Variants in MFAP5 observed in about 807,000 individuals in gnomAD.
MFAP5 encodes microfibril associated protein 5, also known as microfibrillar-associated protein 5.
Under a neutral mutation model 30.1 loss-of-function variants are expected in MFAP5, and 19 were observed. The observed-to-expected ratio is 0.63, with a 90% CI of 0.44 to 0.93. MFAP5 has a LOEUF of 0.93. MFAP5 is among the 40% of genes least tolerant of loss of function. The probability of loss-of-function intolerance (pLI) is 0.00; values close to 1 mark genes in which losing one functional copy is unlikely to be tolerated. For synonymous variants in MFAP5, 92 were observed against 72.9 expected (o/e 1.26, Z -1.33); for missense variants, 210 against 221.3 (o/e 0.95, Z 0.32).
At chr12:8,653,278 C>T (rs1253769430) in intron 6 of MFAP5, among the ~76,000 whole-genome samples, 1 of 152,002 alleles carries the variant, frequency 6.6e-6, no homozygotes, top group African/African-American at 2.4e-5. Flanking sequence ...TTTAATTCTC[C>T]CTATCTCTAC....
chr12:8,661,458 G>C (rs772959862), intron 2 of MFAP5, among the ~76,000 whole-genome samples: 1 of 152,130 alleles, frequency 6.6e-6, no homozygotes, highest in African/African-American at 2.4e-5. Flanking sequence ...ATGCATGTGA[G>C]TATACCTGCA....
At chr12:8,649,827 G>A (rs1169905068) in intron 8 of MFAP5, among the ~76,000 whole-genome samples, 1 of 152,064 alleles carries the variant, frequency 6.6e-6, no homozygotes, top group African/African-American at 2.4e-5. Context: ...GTGGTTTTTG[G>A]TTACATGGAT....
At chr12:8,653,735 GTTTA>G (rs931089119) in intron 6 of MFAP5, among the ~76,000 whole-genome samples, 3 of 152,052 alleles carry the variant, frequency 2.0e-5, no homozygotes, top group Non-Finnish European at 4.4e-5. Context: ...AAAGTTATCT[GTTTA>G]TTTGTCTATC....
chr12:8,648,441 A>G, intron 9 of MFAP5: 1 of 1,037,424 alleles, frequency 9.6e-7, no homozygotes, highest in Admixed American at 2.9e-5. Flanking sequence ...ACCTACCTCA[A>G]CAGTATATTT....
rs1218519557 is a variant in MFAP5, at chr12:8,657,948, G to T, written c.95-2118C>A. Among the ~76,000 whole-genome samples the T allele has an allele frequency of 2.6e-5, 4 of 152,138 alleles. No homozygotes were observed. In the South Asian group the frequency reaches 8.3e-4, roughly 32 times the overall value. ...TGATGGGAACAAATATTTTTATAAA[G>T]CATATCAGAGTTATGGATAATTATA... On this transcript the variant is annotated intron_variant, in intron 3 of 9. Coordinates refer to ENST00000359478, the MANE Select transcript of MFAP5 (RefSeq NM_003480.4).
intron 1 of MFAP5, 166 bp downstream of exon 1, chr12:8,662,461 C>G (rs922547719): frequency 8.6e-6 from 2 of 232,708 alleles, no homozygotes; most frequent in African/African-American, 4.7e-5. Context: ...ATATCATCTG[C>G]TCATCTTGGC....
At chr12:8,658,327 G>A (rs1039786644) in intron 3 of MFAP5, among the ~76,000 whole-genome samples, 2 of 151,950 alleles carry the variant, frequency 1.3e-5, no homozygotes, top group Non-Finnish European at 2.9e-5. Flanking sequence ...TCCAGCCTGG[G>A]ACAGAGTGAG....
intron 3 of MFAP5, 85 bp downstream of exon 3, chr12:8,660,778 T>A: frequency 4.6e-6 from 5 of 1,094,346 alleles, no homozygotes; most frequent in Non-Finnish European, 6.7e-6. Flanking sequence ...CAGCGATAGA[T>A]AAGCAGGAAG....
At chr12:8,662,334 T>A in intron 1 of MFAP5, 1 of 530,816 alleles carries the variant, frequency 1.9e-6, no homozygotes, top group Non-Finnish European at 3.3e-6. Context: ...CTTTTATTAT[T>A]CTCTGCTACC....
Position 8,650,965 on chromosome 12 carries a change from G to A in MFAP5, c.248-376C>T, listed in dbSNP as rs182204855. Among the ~76,000 whole-genome samples, 634 of 152,164 alleles carry A rather than the reference G, an allele frequency of 4.2e-3. 6 individuals carry two copies. Among genetic ancestry groups the A allele is most frequent in the African/African-American group, 0.015 (608 of 41,506 alleles). On this transcript the variant is annotated intron_variant, in intron 7 of 9. Coordinates refer to ENST00000359478, the MANE Select transcript of MFAP5 (RefSeq NM_003480.4). Reference sequence around the variant, plus strand: ...GCAGATCACCTGAAGTCAGGAGTTCGAGACCAGCCTGGCCAACAAGGTAAA... The same window carrying A: ...GCAGATCACCTGAAGTCAGGAGTTCAAGACCAGCCTGGCCAACAAGGTAAA...
rs747222467 is a variant in MFAP5 at position 8,655,640 on chromosome 12, G to A, written c.139+146C>T. On this transcript the variant is annotated intron_variant, in intron 4 of 9. Transcript: ENST00000359478. The stretch of plus-strand genomic sequence containing the variant: ...GACTGGGCATGCGTACAGAGATGCT[G>A]GCATCTAAGGTGACAACAGAACTCT... 75 of 1,000,028 alleles carry A rather than the reference G, an allele frequency of 7.5e-5. 1 individual carries two copies. The South Asian group carries it at 1.2e-3, about 15-fold the overall frequency. The allele number at this position is 1,000,028 out of a possible 1,614,324, so 61.9% of individuals were successfully genotyped here.
intron 9 of MFAP5, 152 bp from the exon 10 acceptor site, chr12:8,648,355 T>A: frequency 1.1e-6 from 1 of 903,812 alleles, no homozygotes; most frequent in Non-Finnish European, 1.6e-6. Flanking sequence ...CTTACTTTAG[T>A]TATTTGCCAC....
Position 8,648,322 on chromosome 12 carries a change from C to T in MFAP5, c.410-119G>A, listed in dbSNP as rs978877092. The T allele has an allele frequency of 2.7e-5, 27 of 984,946 alleles. No individual in the cohort carries two copies. The Admixed American group carries it at 6.4e-4, about 23-fold the overall frequency. The allele number at this position is 984,946 out of a possible 1,614,324, so 61.0% of individuals were successfully genotyped here. A position where few individuals can be genotyped will look rare whatever the true frequency, so the allele number is the denominator to read the frequency against. The stretch of plus-strand genomic sequence containing the variant: ...GTGAAAAGGTTGGAGAGAAAAAGAT[C>T]CGGGTTTTAACCAGCTCTGCCACTT... On this transcript the variant is annotated intron_variant, in intron 9 of 9. Transcript: ENST00000359478.
At position 8,651,662 on chromosome 12, in the gene MFAP5, C is replaced by A. The variant is rs1941842476; in HGVS notation, c.247G>T (p.Glu83Ter). The change falls in exon 7 of 10, where the codon GAG becomes TAG. Residue 83 changes from glutamate (E) to a stop codon, truncating the protein, a stop_gained and splice_region_variant. Coordinates refer to ENST00000359478, the MANE Select transcript of MFAP5 (RefSeq NM_003480.4). LOFTEE classifies it high-confidence loss of function. ...GAAGGCATGCAAGCAACAATCATACCTGCAGTGGTATTTTTTTCACTGAGG... is the reference window on the plus strand; with the variant it reads ...GAAGGCATGCAAGCAACAATCATACATGCAGTGGTATTTTTTTCACTGAGG... ...ASLSEKNTTA[E>*]CWDEKFTCTR... The A allele has an allele frequency of 1.2e-6, 2 of 1,613,908 alleles. No individual in the cohort carries two copies. The highest frequency in any genetic ancestry group is 1.7e-6 in the Non-Finnish European group (2 of 1,179,854).
intron 6 of MFAP5, among the ~76,000 whole-genome samples, chr12:8,654,108 A>C (rs771640403): frequency 6.6e-6 from 1 of 150,598 alleles, no homozygotes; most frequent in African/African-American, 2.5e-5. Context: ...CCTGGACGAC[A>C]AGAGCAATAA....
chr12:8,661,987 G>C, intron 2 of MFAP5, 60 bp downstream of exon 2: 4 of 1,496,634 alleles, frequency 2.7e-6, no homozygotes, highest in Non-Finnish European at 3.7e-6. Flanking sequence ...CCCATCTCCT[G>C]CCACACACGT....
At chr12:8,656,649 C>CACACACACACACACACACATAT (rs1265607160) in intron 3 of MFAP5, among the ~76,000 whole-genome samples, 1 of 109,076 alleles carries the variant, frequency 9.2e-6, no homozygotes, top group Admixed American at 1.0e-4. Context: ...CACACACACA[C>CACACACACACACACACACATAT]ATATATATAT....
At chr12:8,650,655 G>C in intron 7 of MFAP5, 66 bp from the exon 8 acceptor site, 1 of 1,373,982 alleles carries the variant, frequency 7.3e-7, no homozygotes, top group Non-Finnish European at 1.0e-6. Flanking sequence ...AAGGATTGAA[G>C]GAATTGGGAA....
At chr12:8,662,213 A>G in intron 1 of MFAP5, 107 bp from the exon 2 acceptor site, 1 of 862,684 alleles carries the variant, frequency 1.2e-6, no homozygotes, top group Non-Finnish European at 1.8e-6. Flanking sequence ...GTCTTCCCAG[A>G]ACTTTCTTCA....
Sources: gnomAD v4.1 joint callset for allele counts (sites outside exome capture counted in the v4.1 genomes callset) on GRCh38, gnomAD v4.1.1 for gene constraint, MANE v1.5 for transcripts, NCBI Gene and HGNC (gene_info 2026-07-23, HGNC 2026-07-21) for gene names.